The following CFAP65 variants were observed in gnomAD, a reference collection of about 807,000 sequenced individuals.
CFAP65 encodes the protein cilia and flagella associated protein 65.
Under a neutral mutation model 208.0 loss-of-function variants are expected in CFAP65, and 155 were observed. The observed-to-expected ratio is 0.75, with a 90% CI of 0.65 to 0.85. The LOEUF is 0.85. Among genes scored for constraint, CFAP65 ranks in the 40% least tolerant of loss-of-function variants. The pLI, the probability that CFAP65 is intolerant of heterozygous loss-of-function variation, is 0.00. For synonymous variants in CFAP65, 970 were observed against 986.3 expected, an observed-to-expected ratio of 0.98 and a Z score of 0.31; for missense variants, 2,294 against 2,451.3, an observed-to-expected ratio of 0.94 and a Z score of 1.36.
Position 219,004,169 on chromosome 2 carries a change from C to G in CFAP65, c.5338G>C (p.Glu1780Gln). Reference sequence around the variant, plus strand: ...TCCTCTTCTGTCTCCTCTTCTTCCTCCTCTTCCTCCTCCAACTCTTCTTCT... The same window carrying G: ...TCCTCTTCTGTCTCCTCTTCTTCCTGCTCTTCCTCCTCCAACTCTTCTTCT... ...EEEEELEEEE[E>Q]EEEETEEEEL... The change falls in exon 33 of 35, where the codon GAG becomes CAG. Residue 1780 changes from glutamate to glutamine, a missense_variant. Physicochemically the swap from Glu to Gln is conservative, Grantham distance 29 (BLOSUM62 2). This residue lies in a region of CFAP65 where 1,427 missense variants were observed against 1,438.7 expected (regional missense o/e 0.99). Coordinates refer to ENST00000341552, the MANE Select transcript of CFAP65 (RefSeq NM_194302.4). This position sits in a 1 kb window ranked among gnomAD's most constrained non-coding sequence, Gnocchi z 4.7. The G allele has an allele frequency of 6.2e-7, 1 of 1,614,000 alleles. No individual in the cohort carries two copies. The highest frequency in any genetic ancestry group is 8.5e-7 in the Non-Finnish European group (1 of 1,180,018).
At chr2:219,030,988 G>A (rs1947981090) in intron 8 of CFAP65, 118 bp downstream of exon 8, 1 of 1,420,748 alleles carries the variant, frequency 7.0e-7, no homozygotes, top group Admixed American at 2.2e-5. Flanking sequence ...TTGGGGGAGG[G>A]CAGGAGGCCG....
chr2:219,029,395 C>T lies in CFAP65; in HGVS notation c.1650+8G>A, dbSNP rs141089976. On this transcript the variant is annotated splice_region_variant and intron_variant, in intron 11 of 34. Transcript: ENST00000341552. ...CTCCCTCAGCCTCATGCCCTCCCCA[C>T]GACTCACCTGGTGGTGGATGAGACA... 1.8e-4 allele frequency: 283 copies of T among 1,609,736 alleles called. No individual in the cohort carries two copies. Among genetic ancestry groups the T allele is most frequent in the Middle Eastern group, 6.6e-4 (4 of 6,022 alleles).
At chr2:219,006,990 T>C (rs931000995) in intron 29 of CFAP65, among the ~76,000 whole-genome samples, 2 of 152,156 alleles carry the variant, frequency 1.3e-5, no homozygotes, top group African/African-American at 4.8e-5. Context: ...TCTGGTTTCC[T>C]GAGTGAAGGA....
rs1948076321 is a variant in CFAP65 at position 219,031,943 on chromosome 2, T to C, written c.646-285A>G. ...TTCTTTTCTTTTTTTTTTTTTTTTT[T>C]TGAGTCTCGCTCTGTCACCCAGGCT... On this transcript the variant is annotated intron_variant, in intron 6 of 34. Coordinates refer to ENST00000341552, the MANE Select transcript of CFAP65 (RefSeq NM_194302.4). This position sits in a 1 kb window ranked among gnomAD's most constrained non-coding sequence, Gnocchi z 5.2. 7.2e-6 allele frequency among the ~76,000 whole-genome samples: 1 copy of C among 139,094 alleles called. No homozygotes were observed. Among genetic ancestry groups the C allele is most frequent in the Admixed American group, 7.1e-5 (1 of 14,134 alleles). The allele number at this position is 139,094 out of a possible 152,430, so 91.3% of individuals were successfully genotyped here.
chr2:219,033,004 C>G (rs7572866), intron 5 of CFAP65, among the ~76,000 whole-genome samples: 23,626 of 152,100 alleles, frequency 0.16, 2,314 homozygotes, highest in African/African-American at 0.29. Context: ...TGCAGACTTT[C>G]AAAACATTAA....
At chr2:219,008,834 G>A (rs1559118332) in intron 29 of CFAP65, among the ~76,000 whole-genome samples, 1 of 152,222 alleles carries the variant, frequency 6.6e-6, no homozygotes, top group South Asian at 2.1e-4. Context: ...CTGGCTACAC[G>A]AGGCAGGGAA....
rs568896147 is a variant in CFAP65, at chr2:219,019,577, G to C, written c.3402C>G (p.Asp1134Glu). 3 of 1,613,760 alleles carry C rather than the reference G, an allele frequency of 1.9e-6. No homozygotes were observed. In the South Asian group the frequency reaches 3.3e-5, roughly 18 times the overall value. Residue 1134 changes from aspartate (D) to glutamate (E), a missense_variant, in exon 20 of 35, where the codon GAC becomes GAG. Physicochemically the swap from Asp to Glu is conservative, Grantham distance 45. Around this residue, in one of 2 missense-constraint regions of CFAP65, gnomAD observed 1,427 missense variants for 1,438.7 expected, o/e 0.99. Coordinates refer to ENST00000341552, the MANE Select transcript of CFAP65 (RefSeq NM_194302.4). ...RKHLWRLFSL[D>E]LLNSYLERDP... ...CACGCTCCAAGTAACTGTTAAGCAG[G>C]TCCAGAGAGAAGAGGCGCCACAGGT...
chr2:219,038,818 C>A lies in CFAP65; in HGVS notation c.153+78G>T. 4.0e-6 allele frequency: 6 copies of A among 1,486,990 alleles called. No individual in the cohort carries two copies. The South Asian group carries it at 6.6e-5, about 16-fold the overall frequency. 92.1% of individuals were successfully genotyped at this position (1,486,990 alleles called of 1,614,324 possible). A position where few individuals can be genotyped will look rare whatever the true frequency, so the allele number is the denominator to read the frequency against. On this transcript the variant is annotated intron_variant, in intron 3 of 34. Coordinates refer to ENST00000341552, the MANE Select transcript of CFAP65 (RefSeq NM_194302.4). ...AAGAGGGACTTGGGGACAAGGCCCA[C>A]CCCACTAGGCCCCTCCATGGCCACA... is the stretch of plus-strand genomic sequence containing the variant.
rs1423412579 is a variant in CFAP65 at position 219,041,474 on chromosome 2, C to T, written c.-49+14G>A. 7.1e-6 allele frequency: 11 copies of T among 1,550,426 alleles called. No individual in the cohort carries two copies. The East Asian group carries it at 1.5e-4, about 21-fold the overall frequency. ...TGAGACCCTGGGACCTTGGGACTAA[C>T]GCTCAGAACTTACATCGCCTCCATA... is the stretch of plus-strand genomic sequence containing the variant. On this transcript the variant is annotated intron_variant, in intron 1 of 34. Transcript: ENST00000341552.
At chr2:219,018,788 G>C in intron 21 of CFAP65, 1 of 484,704 alleles carries the variant, frequency 2.1e-6, no homozygotes, top group Non-Finnish European at 3.8e-6. Context: ...CATTTGTTAA[G>C]TTATTAAGGC....
Position 219,027,884 on chromosome 2 carries a change from G to A in CFAP65, c.1977C>T (p.Asp659=). The A allele has an allele frequency of 6.4e-7, 1 of 1,557,918 alleles. No homozygotes were observed. The highest frequency in any genetic ancestry group is 8.7e-7 in the Non-Finnish European group (1 of 1,149,790). The change falls in exon 13 of 35, where the codon GAC becomes GAT. Residue 659 remains aspartate (D), a synonymous_variant. Coordinates refer to ENST00000341552, the MANE Select transcript of CFAP65 (RefSeq NM_194302.4). ...CCTCAGGCCCTGGGCAGGCACCGAA[G>A]TCTACCTCGACAGGCTCTACACTGA... ...PPISVEPVEV[D]FGACPGPEAP...
In CFAP65 at chr2:219,003,161, G is replaced by A; in HGVS notation, c.5667C>T (p.Ile1889=). The A allele has an allele frequency of 6.5e-7, 1 of 1,545,204 alleles. No homozygotes were observed. Among genetic ancestry groups the A allele is most frequent in the Non-Finnish European group, 8.7e-7 (1 of 1,143,644 alleles). Residue 1889 remains isoleucine, a synonymous_variant, in exon 34 of 35, where the codon ATC becomes ATT. Coordinates refer to ENST00000341552, the MANE Select transcript of CFAP65 (RefSeq NM_194302.4). This position sits in a 1 kb window ranked among gnomAD's most constrained non-coding sequence, Gnocchi z 4.4. ...EVVLTSRPRV[I]ALPPFCVPRS... is the part of the protein sequence containing the mutation. ...TGGGCACGCAGAACGGCGGCAGGGC[G>A]ATGACGCGTGGCCGCGAGGTGAGTA...
chr2:219,040,186 G>A (rs12185751), intron 2 of CFAP65, among the ~76,000 whole-genome samples: 21,203 of 152,134 alleles, frequency 0.14, 1,664 homozygotes, highest in African/African-American at 0.23. Flanking sequence ...ATGATTACGT[G>A]TGACTTGCCC....
chr2:219,038,629 G>T lies in CFAP65; in HGVS notation c.154-51C>A, dbSNP rs372575230. On this transcript the variant is annotated intron_variant, in intron 3 of 34. Transcript: ENST00000341552. ...AGACAGGAGTGACATGAGAAAGAGA[G>T]GCTGAGGGAGGAGACTCTCATGGCC... The T allele has an allele frequency of 4.0e-6, 6 of 1,516,398 alleles. No individual in the cohort carries two copies. In the African/African-American group the frequency reaches 6.9e-5, roughly 17 times the overall value. The allele number at this position is 1,516,398 out of a possible 1,614,324, so 93.9% of individuals were successfully genotyped here. A position where few individuals can be genotyped will look rare whatever the true frequency, so the allele number is the denominator to read the frequency against.
At chr2:219,005,973 G>A (rs1426036720) in intron 31 of CFAP65, 48 bp downstream of exon 31, 3 of 1,576,498 alleles carry the variant, frequency 1.9e-6, no homozygotes, top group Non-Finnish European at 2.6e-6. Context: ...GAGTGGAAGA[G>A]GGGACAGAGA....
In CFAP65 at chr2:219,028,329, G is replaced by A; in HGVS notation, c.1723C>T (p.His575Tyr). 1 of 1,614,086 alleles carries A rather than the reference G, an allele frequency of 6.2e-7. No individual in the cohort carries two copies. Among genetic ancestry groups the A allele is most frequent in the Non-Finnish European group, 8.5e-7 (1 of 1,180,004 alleles). The change falls in exon 12 of 35, where the codon CAC becomes TAC. Residue 575 changes from histidine to tyrosine, a missense_variant. By Grantham distance (83) the His-to-Tyr change is moderately conservative (BLOSUM62 2). Around this residue, in one of 2 missense-constraint regions of CFAP65, gnomAD observed 867 missense variants for 1,012.6 expected, o/e 0.86. Coordinates refer to ENST00000341552, the MANE Select transcript of CFAP65 (RefSeq NM_194302.4). Reference sequence around the variant, plus strand: ...AGGTGTGTGCGGTACCAGGTGAGGTGCTGAGGCTTCAGGATGGCTGGCTTG... The same window carrying A: ...AGGTGTGTGCGGTACCAGGTGAGGTACTGAGGCTTCAGGATGGCTGGCTTG... The part of the protein sequence containing the change: ...STKPAILKPQ[H>Y]LTWYRTHLAR...
Position 219,019,594 on chromosome 2 carries a change from G to T in CFAP65, c.3385C>A (p.Arg1129Ser), listed in dbSNP as rs775756489. 3.7e-6 allele frequency: 6 copies of T among 1,613,700 alleles called. No homozygotes were observed. In the African/African-American group the frequency reaches 4.0e-5, roughly 11 times the overall value. The change falls in exon 20 of 35, where the codon CGC becomes AGC. Residue 1129 changes from arginine (R) to serine (S), a missense_variant. This residue lies in a region of CFAP65 where 1,427 missense variants were observed against 1,438.7 expected (regional missense o/e 0.99). Transcript: ENST00000341552. ...AEGITRKHLW[R>S]LFSLDLLNSY... ...TTAAGCAGGTCCAGAGAGAAGAGGC[G>T]CCACAGGTGCTTCCGGGTGATACCC...
rs1010403778 is a variant in CFAP65, at chr2:219,027,445, T to C, written c.2211+205A>G. On this transcript the variant is annotated intron_variant, in intron 13 of 34. Coordinates refer to ENST00000341552, the MANE Select transcript of CFAP65 (RefSeq NM_194302.4). ...CCTTGGAGGGGAGGGGAGACTTACA[T>C]AAGAATGAGAAAATCAGATGGGCCG... is the stretch of plus-strand genomic sequence containing the variant. 2.0e-6 allele frequency: 3 copies of C among 1,529,516 alleles called. No homozygotes were observed. The African/African-American group carries it at 4.1e-5, about 21-fold the overall frequency. 94.7% of individuals were successfully genotyped at this position (1,529,516 alleles called of 1,614,324 possible).
At position 219,024,164 on chromosome 2, in the gene CFAP65, T is replaced by C. The variant is rs563698043; in HGVS notation, c.2446A>G (p.Arg816Gly). The C allele has an allele frequency of 1.7e-5, 28 of 1,614,012 alleles. No homozygotes were observed. The Admixed American group carries it at 4.3e-4, about 25-fold the overall frequency. ...KLLTFSLAPQ[R>G]GSDVILRPTS... ...GGCCGAAGGATGACGTCTGAGCCTC[T>C]CTGGGGGGCCAGGCTGAAGGTCAGC... Residue 816 changes from arginine to glycine, a missense_variant, in exon 15 of 35, where the codon AGA (arginine) becomes GGA (glycine). By Grantham distance (125) the Arg-to-Gly change is moderately radical. Around this residue, in one of 2 missense-constraint regions of CFAP65, gnomAD observed 1,427 missense variants for 1,438.7 expected, o/e 0.99. Coordinates refer to ENST00000341552, the MANE Select transcript of CFAP65 (RefSeq NM_194302.4).
Sources: allele counts gnomAD v4.1 joint callset (sites outside exome capture counted in the v4.1 genomes callset), GRCh38; gene constraint gnomAD v4.1.1; regional missense constraint gnomAD v4.1.1; non-coding constraint Gnocchi (gnomAD v3.1); transcripts MANE v1.5; gene names NCBI Gene and HGNC (gene_info 2026-07-23, HGNC 2026-07-21).